PRELID2: variants seen among roughly 807,000 people sequenced by gnomAD.
PRELID2 encodes PRELI domain-containing protein 2.
Under a neutral mutation model 28.4 loss-of-function variants are expected in PRELID2, and 25 were observed. That is an observed-to-expected ratio of 0.88 (90% CI 0.64 to 1.23). The LOEUF (loss-of-function observed/expected upper bound fraction) is 1.23. PRELID2 is among the 50% of genes most tolerant of loss of function. The probability of loss-of-function intolerance (pLI) is 0.00; values close to 1 mark genes in which losing one functional copy is unlikely to be tolerated. For missense variants in PRELID2, 201 were observed against 214.4 expected (o/e 0.94, Z 0.39); for synonymous variants, 76 against 71.6 (o/e 1.06, Z -0.31).
chr5:145,817,434 T>TTTATATATATATATATATAA (rs1554099454), intron 4 of PRELID2, among the ~76,000 whole-genome samples: 1 of 135,614 alleles, frequency 7.4e-6, no homozygotes, highest in East Asian at 2.1e-4. Context: ...TATATATATA[T>TTTATATATATATATATATAA]ATATATATAT....
the PRELID2 span, among the ~76,000 whole-genome samples, chr5:145,230,254 C>T: frequency 1.2e-4 from 18 of 151,924 alleles, no homozygotes; most frequent in Admixed American, 1.1e-3. Context: ...GGGGAAGCTG[C>T]GGTGGAGAGC....
the PRELID2 span, among the ~76,000 whole-genome samples, chr5:145,449,123 A>G: frequency 6.6e-6 from 1 of 152,116 alleles, no homozygotes; most frequent in African/African-American, 2.4e-5. Flanking sequence ...CAAAATGACT[A>G]TTGGTTCTGA....
chr5:145,381,912 C>T, the PRELID2 span, among the ~76,000 whole-genome samples: 1 of 146,750 alleles, frequency 6.8e-6, no homozygotes, highest in Admixed American at 6.8e-5. Context: ...GATGCATAGT[C>T]AAGAGGAAAA....
chr5:145,298,153 C>T, the PRELID2 span, among the ~76,000 whole-genome samples: 2 of 152,142 alleles, frequency 1.3e-5, no homozygotes, highest in Non-Finnish European at 2.9e-5. Context: ...AAAGAGCCCG[C>T]ATCGCCCAGT....
chr5:145,654,927 G>C (rs982384057), intron 1 of PRELID2, among the ~76,000 whole-genome samples: 14 of 152,036 alleles, frequency 9.2e-5, no homozygotes, highest in Non-Finnish European at 2.9e-5. Context: ...GGAAATAAAG[G>C]GTATTCAATT....
Position 145,757,271 on chromosome 5 carries a change from C to T in PRELID2, c.*3265G>A, listed in dbSNP as rs546499891. Reference sequence around the variant, plus strand: ...TATATGACTGAAACTATAAAAGCCCCTTCCTGGTAAAAGCACCTCAGTCAT... The same window carrying T: ...TATATGACTGAAACTATAAAAGCCCTTTCCTGGTAAAAGCACCTCAGTCAT... On this transcript the variant is annotated 3_prime_UTR_variant, in exon 7 of 7. Transcript: ENST00000683046. Among the ~76,000 whole-genome samples, 33 of 152,290 alleles carry T rather than the reference C, an allele frequency of 2.2e-4. 1 individual carries two copies. In the South Asian group the frequency reaches 2.7e-3, roughly 12 times the overall value.
chr5:145,733,899 T>C (rs1756420018), intron 1 of PRELID2, among the ~76,000 whole-genome samples: 1 of 152,122 alleles, frequency 6.6e-6, no homozygotes, highest in South Asian at 2.1e-4. Context: ...GATACTATGC[T>C]AGATTATCCA....
At chr5:145,659,746 T>C (rs1012874163) in intron 1 of PRELID2, among the ~76,000 whole-genome samples, 3 of 152,196 alleles carry the variant, frequency 2.0e-5, no homozygotes, top group Non-Finnish European at 4.4e-5. Context: ...GCACTATTGA[T>C]TTTTCCAGAG....
chr5:145,284,004 C>T, the PRELID2 span, among the ~76,000 whole-genome samples: 8 of 152,114 alleles, frequency 5.3e-5, no homozygotes, highest in Admixed American at 1.3e-4. Flanking sequence ...AGTAAAAGTG[C>T]CACGGTCAAA....
chr5:145,613,783 C>T (rs1462125822), intron 1 of PRELID2, among the ~76,000 whole-genome samples: 1 of 152,078 alleles, frequency 6.6e-6, no homozygotes, highest in Non-Finnish European at 1.5e-5. Context: ...TGTCCATTTA[C>T]TCTGCTGTTT....
At chr5:145,360,621 C>T in the PRELID2 span, among the ~76,000 whole-genome samples, 1 of 152,136 alleles carries the variant, frequency 6.6e-6, no homozygotes, top group South Asian at 2.1e-4. Flanking sequence ...TTAATGCCAA[C>T]AATATAAAAA....
intron 1 of PRELID2, among the ~76,000 whole-genome samples, chr5:145,715,845 G>A (rs182558229): frequency 6.6e-6 from 1 of 152,240 alleles, no homozygotes; most frequent in Non-Finnish European, 1.5e-5. Flanking sequence ...CGATCTAGAG[G>A]AGTCACCAAG....
the PRELID2 span, among the ~76,000 whole-genome samples, chr5:145,260,646 A>C: frequency 2.0e-5 from 3 of 152,236 alleles, no homozygotes; most frequent in East Asian, 1.9e-4. Flanking sequence ...ACAGGCATGC[A>C]ATGTGTAATA....
chr5:145,480,905 G>A (rs898378329), intron 1 of PRELID2, among the ~76,000 whole-genome samples: 5 of 152,086 alleles, frequency 3.3e-5, no homozygotes, highest in South Asian at 4.1e-4. Flanking sequence ...CGAGGTTACC[G>A]AATAGAAATG....
intron 5 of PRELID2, among the ~76,000 whole-genome samples, chr5:145,780,021 TAAC>T (rs2149793179): frequency 6.6e-6 from 1 of 152,176 alleles, no homozygotes; most frequent in East Asian, 1.9e-4. Flanking sequence ...TCTCTTAAAA[TAAC>T]AACAGGGGCC....
the PRELID2 span, among the ~76,000 whole-genome samples, chr5:145,336,097 T>G: frequency 0.012 from 1,857 of 152,362 alleles, 30 homozygotes; most frequent in African/African-American, 0.043. Flanking sequence ...GTTCATGTCC[T>G]TTGCCCACTT....
chr5:145,793,244 C>A (rs1318205262), intron 5 of PRELID2, among the ~76,000 whole-genome samples: 2 of 152,106 alleles, frequency 1.3e-5, no homozygotes, highest in African/African-American at 4.8e-5. Context: ...GCTTGGGGAT[C>A]CATGGCTAAA....
chr5:145,438,527 A>C, the PRELID2 span, among the ~76,000 whole-genome samples: 43 of 152,204 alleles, frequency 2.8e-4, no homozygotes, highest in South Asian at 7.1e-3. Flanking sequence ...TATTTTACAG[A>C]GATGTGTCAT....
At chr5:145,705,639 C>A (rs903768707) in intron 1 of PRELID2, among the ~76,000 whole-genome samples, 1 of 152,074 alleles carries the variant, frequency 6.6e-6, no homozygotes, top group African/African-American at 2.4e-5. Flanking sequence ...CAAATACTTT[C>A]GGTAAAGAAT....
Sources: gnomAD v4.1 joint callset for allele counts (sites outside exome capture counted in the v4.1 genomes callset) on GRCh38, gnomAD v4.1.1 for gene constraint, MANE v1.5 for transcripts, NCBI Gene and HGNC (gene_info 2026-07-23, HGNC 2026-07-21) for gene names.